Variants in CHST9 observed in about 807,000 individuals in gnomAD.
CHST9 encodes carbohydrate sulfotransferase 9.
Under a neutral mutation model 44.4 loss-of-function variants are expected in CHST9, and 41 were observed. The ratio of observed to expected loss-of-function variants is 0.92; its 90% CI spans 0.72 to 1.20. The LOEUF (loss-of-function observed/expected upper bound fraction) is 1.20. Ranked by LOEUF, CHST9 falls within the 50% of genes most tolerant of loss-of-function variation. The pLI, the probability that CHST9 is intolerant of heterozygous loss-of-function variation, is 0.00. For synonymous variants in CHST9, 171 were observed against 178.4 expected, an observed-to-expected ratio of 0.96 and a Z score of 0.33; for missense variants, 504 against 516.5, an observed-to-expected ratio of 0.98 and a Z score of 0.23.
intron 2 of CHST9, among the ~76,000 whole-genome samples, chr18:27,119,206 G>C (rs1389035945): frequency 6.6e-6 from 1 of 152,040 alleles, no homozygotes; most frequent in East Asian, 1.9e-4. Flanking sequence ...AAGTACATTT[G>C]CCTTCTCGGT....
chr18:27,120,832 AG>A (rs750451204), intron 2 of CHST9, among the ~76,000 whole-genome samples: 3 of 152,158 alleles, frequency 2.0e-5, no homozygotes, highest in Admixed American at 6.5e-5. Flanking sequence ...CCAGTTCTAA[AG>A]GCCTTAGGAA....
At position 26,914,169 on chromosome 18, in the gene CHST9, T is replaced by G. The variant is rs2055479477; in HGVS notation, c.*2090A>C. The G allele has an allele frequency of 6.6e-6, 1 of 152,166 alleles. No homozygotes were observed. The highest frequency in any genetic ancestry group is 1.5e-5 in the Non-Finnish European group (1 of 68,036). 9.4% of individuals were successfully genotyped at this position (152,166 alleles called of 1,614,324 possible). ...CCTCTCCACCATCAAAGCCAAACAT[T>G]TATATAGGTATGCATTCCACCCTGC... On this transcript the variant is annotated 3_prime_UTR_variant, in exon 6 of 6. Transcript: ENST00000618847.
intron 2 of CHST9, among the ~76,000 whole-genome samples, chr18:27,138,695 GC>G (rs1424598376): frequency 6.6e-6 from 1 of 152,088 alleles, no homozygotes; most frequent in Admixed American, 6.5e-5. Flanking sequence ...TGAGTGCTTT[GC>G]AAGCATTGTC....
chr18:27,159,773 C>A (rs1395669347), intron 1 of CHST9, among the ~76,000 whole-genome samples: 1 of 152,144 alleles, frequency 6.6e-6, no homozygotes, highest in African/African-American at 2.4e-5. Context: ...TTTGTATCCT[C>A]TTTTATTTCA....
chr18:27,142,583 T>C, intron 2 of CHST9, 106 bp downstream of exon 2: 1 of 822,270 alleles, frequency 1.2e-6, no homozygotes, highest in Non-Finnish European at 1.7e-6. Context: ...TTTTTGTTGT[T>C]GAAAATATTG....
At chr18:27,035,525 T>C (rs151269059) in intron 3 of CHST9, among the ~76,000 whole-genome samples, 119 of 152,182 alleles carry the variant, frequency 7.8e-4, no homozygotes, top group Admixed American at 1.3e-3. Context: ...TGCACATATA[T>C]ACATTTTATA....
intron 2 of CHST9, among the ~76,000 whole-genome samples, chr18:27,080,520 A>G (rs928289830): frequency 1.8e-4 from 28 of 152,090 alleles, no homozygotes; most frequent in African/African-American, 6.5e-4. Flanking sequence ...TTAAAATTTT[A>G]CTTTTGTATT....
rs76212935 is a variant in CHST9, at chr18:27,165,188, T to C, written c.-97+19948A>G. 4.3e-3 allele frequency among the ~76,000 whole-genome samples: 649 copies of C among 152,276 alleles called. 4 individuals carry two copies. The highest frequency in any genetic ancestry group is 0.015 in the African/African-American group (618 of 41,552). ...AGACAAGATGGTTTGTTTTAAAATC[T>C]AGACAGAATATTTAGACAATGATGA... On this transcript the variant is annotated intron_variant, in intron 1 of 5. Coordinates refer to ENST00000618847, the MANE Select transcript of CHST9 (RefSeq NM_031422.6).
chr18:27,053,560 C>T (rs2057614503), intron 2 of CHST9, among the ~76,000 whole-genome samples: 1 of 152,064 alleles, frequency 6.6e-6, no homozygotes, highest in Non-Finnish European at 1.5e-5. Context: ...TATATCTGTT[C>T]CTGGGGTTAT....
At chr18:27,050,817 C>T (rs1044447562) in intron 2 of CHST9, among the ~76,000 whole-genome samples, 5 of 152,102 alleles carry the variant, frequency 3.3e-5, no homozygotes, top group South Asian at 2.1e-4. Context: ...CTAGAGGCCT[C>T]GGACATTTTC....
intron 4 of CHST9, among the ~76,000 whole-genome samples, chr18:26,999,010 C>G (rs775693003): frequency 2.6e-5 from 4 of 152,172 alleles, no homozygotes; most frequent in African/African-American, 4.8e-5. Context: ...TTAAGTCATT[C>G]TGGTTATCAT....
intron 4 of CHST9, among the ~76,000 whole-genome samples, chr18:27,008,521 T>C (rs1291026873): frequency 6.6e-6 from 1 of 152,218 alleles, no homozygotes; most frequent in Non-Finnish European, 1.5e-5. Flanking sequence ...AATGTAGTTC[T>C]TTCTCTAGTT....
intron 4 of CHST9, among the ~76,000 whole-genome samples, chr18:26,979,572 T>C (rs1298076094): frequency 6.6e-6 from 1 of 151,966 alleles, no homozygotes; most frequent in Non-Finnish European, 1.5e-5. Flanking sequence ...AGGCCTCATC[T>C]GCATTCTAAT....
intron 3 of CHST9, among the ~76,000 whole-genome samples, chr18:27,034,789 T>C (rs1443196667): frequency 6.6e-6 from 1 of 152,232 alleles, no homozygotes; most frequent in Admixed American, 6.5e-5. Context: ...GATGCCTGTC[T>C]ACAACTCCTC....
rs149976773 is a variant in CHST9, at chr18:27,151,660, T to A, written c.-96-8755A>T. Among the ~76,000 whole-genome samples the A allele has an allele frequency of 3.4e-3, 511 of 152,250 alleles. 8 individuals carry two copies. Among genetic ancestry groups the A allele is most frequent in the Admixed American group, 0.026 (393 of 15,280 alleles). On this transcript the variant is annotated intron_variant, in intron 1 of 5. Coordinates refer to ENST00000618847, the MANE Select transcript of CHST9 (RefSeq NM_031422.6). ...GAGGCAGAGGAGGAAGTCAGAGTGA[T>A]GTGATATTAAGAACGACTGGAATCA...
chr18:27,060,691 C>T (rs1307748904), intron 2 of CHST9, among the ~76,000 whole-genome samples: 1 of 152,194 alleles, frequency 6.6e-6, no homozygotes, highest in East Asian at 1.9e-4. Flanking sequence ...CTCTGGTACC[C>T]AACCCTCTTC....
chr18:27,072,702 G>A (rs935475777), intron 2 of CHST9, among the ~76,000 whole-genome samples: 2 of 152,106 alleles, frequency 1.3e-5, no homozygotes, highest in African/African-American at 2.4e-5. Flanking sequence ...AGATACAAAA[G>A]GCTTTGTTGC....
chr18:27,062,007 C>A (rs1057401614), intron 2 of CHST9, among the ~76,000 whole-genome samples: 1 of 152,110 alleles, frequency 6.6e-6, no homozygotes, highest in African/African-American at 2.4e-5. Context: ...TGGTCCAAAT[C>A]ACCCTTCAGC....
chr18:27,138,238 A>G (rs1438852843), intron 2 of CHST9, among the ~76,000 whole-genome samples: 2 of 152,290 alleles, frequency 1.3e-5, no homozygotes, highest in Middle Eastern at 3.4e-3. Flanking sequence ...AAAAAGGATT[A>G]TATCTGGCTC....
Sources: allele counts gnomAD v4.1 joint callset (sites outside exome capture counted in the v4.1 genomes callset), GRCh38; gene constraint gnomAD v4.1.1; transcripts MANE v1.5; gene names NCBI Gene and HGNC (gene_info 2026-07-23, HGNC 2026-07-21).